The following COL5A1 variants were observed in gnomAD, a reference collection of about 807,000 sequenced individuals.
COL5A1 encodes the protein collagen type V alpha 1 chain, also known as collagen alpha-1(V) chain.
Under a neutral mutation model 263.7 loss-of-function variants are expected in COL5A1, and 16 were observed. The observed-to-expected ratio is 0.06, with a 90% confidence interval of 0.04 to 0.09. The LOEUF is 0.09. Ranked by LOEUF, COL5A1 falls within the 10% of genes least tolerant of loss-of-function variation. The pLI, the probability that COL5A1 is intolerant of heterozygous loss-of-function variation, is 1.00. For synonymous variants in COL5A1, 1,012 were observed against 1,004.5 expected (o/e 1.01, Z -0.14); for missense variants, 2,036 against 2,540.5 (o/e 0.80, Z 4.27).
At chr9:134,683,521 C>G (rs1425006092) in intron 1 of COL5A1, among the ~76,000 whole-genome samples, 1 of 152,242 alleles carries the variant, frequency 6.6e-6, no homozygotes, top group Non-Finnish European at 1.5e-5. Flanking sequence ...TGTTCAGGCA[C>G]AGCTTGATCC....
chr9:134,777,256 G>A (rs868672394), intron 27 of COL5A1, among the ~76,000 whole-genome samples: 1 of 152,234 alleles, frequency 6.6e-6, no homozygotes, highest in Admixed American at 6.5e-5. Context: ...GGCCTTGGGC[G>A]AAAGCCTGTC....
intron 18 of COL5A1, among the ~76,000 whole-genome samples, chr9:134,759,336 GCACACA>G (rs112901588): frequency 4.5e-5 from 4 of 89,412 alleles, no homozygotes; most frequent in African/African-American, 1.4e-4. Context: ...ATGCACACAA[GCACACA>G]CACACACCCA....
chr9:134,643,081 A>C (rs1465533008), intron 1 of COL5A1, among the ~76,000 whole-genome samples: 1 of 152,210 alleles, frequency 6.6e-6, no homozygotes, highest in Admixed American at 6.5e-5. Flanking sequence ...GTCAGCCCTT[A>C]GAAGGAGGCT....
At position 134,843,554 on chromosome 9, in the gene COL5A1, C is replaced by T. The variant is rs371325113; in HGVS notation, c.*1251C>T. Reference sequence around the variant, plus strand: ...ACTGGGCAGGATAGCCAAGCACACTCCCTCCTGCGCTCTCCCGCCCCGGTG... The same window carrying T: ...ACTGGGCAGGATAGCCAAGCACACTTCCTCCTGCGCTCTCCCGCCCCGGTG... On this transcript the variant is annotated 3_prime_UTR_variant, in exon 66 of 66. Coordinates refer to ENST00000371817, the MANE Select transcript of COL5A1 (RefSeq NM_000093.5). 6.5e-6 allele frequency: 1 copy of T among 152,698 alleles called. No individual in the cohort carries two copies. Among genetic ancestry groups the T allele is most frequent in the African/African-American group, 2.4e-5 (1 of 41,454 alleles). 9.5% of individuals were successfully genotyped at this position (152,698 alleles called of 1,614,324 possible).
intron 37 of COL5A1, among the ~76,000 whole-genome samples, chr9:134,800,602 A>G (rs944674865): frequency 8.6e-5 from 13 of 152,000 alleles, no homozygotes; most frequent in Non-Finnish European, 1.8e-4. Context: ...AAAATTAGCC[A>G]GGCATGGTGG....
At chr9:134,753,443 A>G (rs1835860022) in intron 14 of COL5A1, among the ~76,000 whole-genome samples, 1 of 152,092 alleles carries the variant, frequency 6.6e-6, no homozygotes. Context: ...GGTCGCCTCC[A>G]CACAGGGCCT....
In COL5A1 at chr9:134,658,961, C is replaced by G. The variant is rs1832118395; in HGVS notation, c.109+16665C>G. Reference sequence around the variant, plus strand: ...AGGACTCTCTGGGACTTGTCTTCTTCTGACCTGACCCCAAGTGCCTTCACA... The same window carrying G: ...AGGACTCTCTGGGACTTGTCTTCTTGTGACCTGACCCCAAGTGCCTTCACA... On this transcript the variant is annotated intron_variant, in intron 1 of 65. Coordinates refer to ENST00000371817, the MANE Select transcript of COL5A1 (RefSeq NM_000093.5). Among the ~76,000 whole-genome samples, 4 of 152,252 alleles carry G rather than the reference C, an allele frequency of 2.6e-5. No individual in the cohort carries two copies. The South Asian group carries it at 8.3e-4, about 31-fold the overall frequency.
At position 134,730,294 on chromosome 9, in the gene COL5A1, G is replaced by A. The variant is rs576742644; in HGVS notation, c.983G>A (p.Gly328Glu). 79 of 1,614,204 alleles carry A rather than the reference G, an allele frequency of 4.9e-5. No individual in the cohort carries two copies. The South Asian group carries it at 8.2e-4, about 17-fold the overall frequency. Residue 328 changes from glycine (G) to glutamate (E), a missense_variant, in exon 7 of 66, where the codon GGG becomes GAG. Around this residue, in one of 3 missense-constraint regions of COL5A1, gnomAD observed 600 missense variants for 634.5 expected, o/e 0.95. Coordinates refer to ENST00000371817, the MANE Select transcript of COL5A1 (RefSeq NM_000093.5). ...APMPETSEGAGKEEDVGIGDY... is the reference protein window; with the variant it reads ...APMPETSEGAEKEEDVGIGDY... The stretch of plus-strand genomic sequence containing the variant: ...ATGCCTGAAACCAGTGAAGGGGCTG[G>A]GAAGGAAGAGGACGTCGGCATCGGG...
intron 57 of COL5A1, among the ~76,000 whole-genome samples, chr9:134,819,327 G>A (rs539767771): frequency 9.8e-5 from 15 of 152,354 alleles, no homozygotes; most frequent in African/African-American, 3.1e-4. Flanking sequence ...CAGAGGCCCC[G>A]GCTGATGGGT....
chr9:134,786,516 T>C (rs914860149), intron 31 of COL5A1, among the ~76,000 whole-genome samples: 3 of 152,290 alleles, frequency 2.0e-5, no homozygotes, highest in African/African-American at 7.2e-5. Flanking sequence ...TGGTGGCCCT[T>C]TTCCCCTGGG....
intron 57 of COL5A1, 87 bp downstream of exon 57, chr9:134,819,140 C>A: frequency 7.2e-7 from 1 of 1,389,774 alleles, no homozygotes; most frequent in Non-Finnish European, 1.0e-6. Flanking sequence ...AGCTCTTGAT[C>A]CGTCACCTAA....
In COL5A1 at chr9:134,844,650, G is replaced by C. The variant is rs550927140; in HGVS notation, c.*2347G>C. The C allele has an allele frequency of 1.3e-5, 2 of 152,220 alleles. No homozygotes were observed. Among genetic ancestry groups the C allele is most frequent in the South Asian group, 2.1e-4 (1 of 4,816 alleles). The allele number at this position is 152,220 out of a possible 1,614,324, so 9.4% of individuals were successfully genotyped here. ...AGCAAAAAACCCAAGATAAAGTTTC[G>C]AGGACATCAGGCCTTTTGAAATACA... On this transcript the variant is annotated 3_prime_UTR_variant, in exon 66 of 66. Transcript: ENST00000371817.
In COL5A1 at chr9:134,648,000, T is replaced by G. The variant is rs1008132064; in HGVS notation, c.109+5704T>G. Among the ~76,000 whole-genome samples the G allele has an allele frequency of 1.3e-5, 2 of 152,142 alleles. No individual in the cohort carries two copies. Among genetic ancestry groups the G allele is most frequent in the Admixed American group, 6.5e-5 (1 of 15,276 alleles). On this transcript the variant is annotated intron_variant, in intron 1 of 65. Coordinates refer to ENST00000371817, the MANE Select transcript of COL5A1 (RefSeq NM_000093.5). The surrounding 1 kb of genome is among the most constrained non-coding windows in gnomAD (Gnocchi z 5.0). ...CTATGAGAGTGTTGCCAAAGGAGAT[T>G]AACATTTGAATCAGTGGGCTGGGGA...
At chr9:134,760,349 A>ACT (rs1307840431) in intron 18 of COL5A1, among the ~76,000 whole-genome samples, 1 of 75,816 alleles carries the variant, frequency 1.3e-5, no homozygotes, top group African/African-American at 6.6e-5. Context: ...ACACCCCCAC[A>ACT]CACCCCCACA....
intron 27 of COL5A1, among the ~76,000 whole-genome samples, chr9:134,778,629 C>T (rs149905158): frequency 0.021 from 3,188 of 152,342 alleles, 44 homozygotes; most frequent in Middle Eastern, 0.051. Context: ...CCAGGCCAGA[C>T]GAACCAGAGC....
intron 11 of COL5A1, among the ~76,000 whole-genome samples, chr9:134,744,332 C>T (rs759147428): frequency 3.3e-5 from 5 of 151,862 alleles, no homozygotes; most frequent in African/African-American, 4.8e-5. Context: ...CTCATGCACA[C>T]ACACTCATGC....
At chr9:134,715,928 A>G (rs1025372078) in intron 4 of COL5A1, among the ~76,000 whole-genome samples, 2 of 150,256 alleles carry the variant, frequency 1.3e-5, no homozygotes, top group East Asian at 2.0e-4. Context: ...AGGTGATGAT[A>G]GTGGTGGTGG....
rs1564376301 is a variant in COL5A1, at chr9:134,669,235, T to TTCCCTTCCCTTC, written c.110-21677_110-21676insTCCCTTCCCTTC. On this transcript the variant is annotated intron_variant, in intron 1 of 65. Coordinates refer to ENST00000371817, the MANE Select transcript of COL5A1 (RefSeq NM_000093.5). ...CTTTTCCCTTCCCTTCCCTTCCCTT[T>TTCCCTTCCCTTC]CCTTCCCTTCCCTTCCCTTCCCTTC... 5.2e-3 allele frequency among the ~76,000 whole-genome samples: 106 copies of TTCCCTTCCCTTC among 20,194 alleles called. 7 individuals are homozygous for TTCCCTTCCCTTC. The highest frequency in any genetic ancestry group is 8.8e-3 in the Non-Finnish European group (83 of 9,448). 13.2% of individuals were successfully genotyped at this position (20,194 alleles called of 152,430 possible). A position where few individuals can be genotyped will look rare whatever the true frequency, so the allele number is the denominator to read the frequency against.
At chr9:134,731,173 C>T (rs767763196) in intron 7 of COL5A1, among the ~76,000 whole-genome samples, 3 of 152,192 alleles carry the variant, frequency 2.0e-5, no homozygotes, top group East Asian at 1.9e-4. Context: ...CAGACCCCTG[C>T]GTCTGCAGCA....
Sources: allele counts gnomAD v4.1 joint callset (sites outside exome capture counted in the v4.1 genomes callset), GRCh38; gene constraint gnomAD v4.1.1; regional missense constraint gnomAD v4.1.1; non-coding constraint Gnocchi (gnomAD v3.1); transcripts MANE v1.5; gene names NCBI Gene and HGNC (gene_info 2026-07-23, HGNC 2026-07-21).